SORCS2: variants seen among roughly 807,000 people sequenced by gnomAD.
The protein encoded by SORCS2 is VPS10 domain-containing receptor SorCS2.
SORCS2 carries 100 observed loss-of-function variants against 141.6 expected under a neutral mutation model. The ratio of observed to expected loss-of-function variants is 0.71; its 90% CI spans 0.60 to 0.83. SORCS2 has a LOEUF of 0.83. Ranked by LOEUF, SORCS2 falls within the 40% of genes least tolerant of loss-of-function variation. SORCS2 has a pLI of 0.00. For synonymous variants in SORCS2, 789 were observed against 676.9 expected, an observed-to-expected ratio of 1.17 and a Z score of -2.57; for missense variants, 1,646 against 1,560.2, an observed-to-expected ratio of 1.05 and a Z score of -0.93.
chr4:7,373,478 A>ATATATATATATATATTTTTTTTTTTT (rs1470691140), intron 1 of SORCS2, among the ~76,000 whole-genome samples: 1 of 36,818 alleles, frequency 2.7e-5, no homozygotes, highest in Non-Finnish European at 4.1e-5. Flanking sequence ...ATATATATAT[A>ATATATATATATATATTTTTTTTTTTT]TTTTTTTTTT....
At position 7,594,650 on chromosome 4, in the gene SORCS2, A is replaced by G. The variant is rs186603150; in HGVS notation, c.649-43678A>G. Among the ~76,000 whole-genome samples, 949 of 152,068 alleles carry G rather than the reference A, an allele frequency of 6.2e-3. 5 individuals carry two copies. The highest frequency in any genetic ancestry group is 7.5e-3 in the Non-Finnish European group (510 of 67,964). ...TCCTAATTTAGGAAGCCCCTAATTT[A>G]CAGTGTCAAGAGGGGCTTCCTCTTC... On this transcript the variant is annotated intron_variant, in intron 3 of 26. Transcript: ENST00000507866.
chr4:7,473,016 G>A (rs1401556670), intron 2 of SORCS2, among the ~76,000 whole-genome samples: 1 of 152,120 alleles, frequency 6.6e-6, no homozygotes, highest in Non-Finnish European at 1.5e-5. Flanking sequence ...CCCCTGGCCT[G>A]TGGGGTTTTG....
chr4:7,438,887 T>G lies in SORCS2; in HGVS notation c.548+42532T>G, dbSNP rs559382017. 2.8e-4 allele frequency among the ~76,000 whole-genome samples: 43 copies of G among 152,228 alleles called. No homozygotes were observed. The South Asian group carries it at 8.7e-3, about 31-fold the overall frequency. ...TTTGCACATGCTTTTTTCATATCAT[T>G]CATTGTTTTTGATGCCTAAATTGTC... On this transcript the variant is annotated intron_variant, in intron 2 of 26. Coordinates refer to ENST00000507866, the MANE Select transcript of SORCS2 (RefSeq NM_020777.3).
intron 10 of SORCS2, among the ~76,000 whole-genome samples, chr4:7,688,381 C>T (rs543402843): frequency 2.0e-5 from 3 of 152,242 alleles, no homozygotes; most frequent in South Asian, 2.1e-4. Context: ...CCAGTTCTAG[C>T]GTACTTCTAA....
intron 26 of SORCS2, among the ~76,000 whole-genome samples, chr4:7,738,291 G>T (rs191060077): frequency 6.6e-6 from 1 of 152,258 alleles, no homozygotes; most frequent in Non-Finnish European, 1.5e-5. Context: ...GGCAAGTGCC[G>T]CCGGCAGCCA....
chr4:7,354,708 A>G (rs886218903), intron 1 of SORCS2, among the ~76,000 whole-genome samples: 6 of 151,904 alleles, frequency 3.9e-5, no homozygotes, highest in Non-Finnish European at 8.8e-5. Flanking sequence ...GAGAGAGAGA[A>G]AGAGAGAGAG....
In SORCS2 at chr4:7,390,657, C is replaced by A. The variant is rs188354138; in HGVS notation, c.481-5631C>A. 7.9e-5 allele frequency among the ~76,000 whole-genome samples: 12 copies of A among 152,334 alleles called. No individual in the cohort carries two copies. The East Asian group carries it at 2.3e-3, about 29-fold the overall frequency. On this transcript the variant is annotated intron_variant, in intron 1 of 26. Coordinates refer to ENST00000507866, the MANE Select transcript of SORCS2 (RefSeq NM_020777.3). ...AGAGCAGAGGGAAGTGGCCCAGGGT[C>A]TCAGAGGAGGCACCGTGAACTTCCC...
intron 3 of SORCS2, among the ~76,000 whole-genome samples, chr4:7,565,614 T>C (rs1341808044): frequency 6.7e-6 from 1 of 149,232 alleles, no homozygotes; most frequent in Non-Finnish European, 1.5e-5. Context: ...GATGATGATA[T>C]AATGATGATA....
chr4:7,627,366 TC>T lies in SORCS2; in HGVS notation c.649-10959del, dbSNP rs560042968. On this transcript the variant is annotated intron_variant, in intron 3 of 26. Transcript: ENST00000507866. ...TGCTGAGAATGCCAGGCCTTACATA[TC>T]CCTACTCAGGATGGATGGGTGATGC... Among the ~76,000 whole-genome samples, 322 of 152,224 alleles carry T rather than the reference TC, an allele frequency of 2.1e-3. 2 individuals carry two copies. Among genetic ancestry groups the T allele is most frequent in the African/African-American group, 7.5e-3 (312 of 41,510 alleles).
chr4:7,592,264 T>A (rs980108679), intron 3 of SORCS2, among the ~76,000 whole-genome samples: 1 of 152,194 alleles, frequency 6.6e-6, no homozygotes, highest in Admixed American at 6.5e-5. Context: ...TTATTTTTTT[T>A]AACAAATCCA....
At chr4:7,424,295 C>A (rs893756178) in intron 2 of SORCS2, among the ~76,000 whole-genome samples, 1 of 152,166 alleles carries the variant, frequency 6.6e-6, no homozygotes, top group African/African-American at 2.4e-5. Flanking sequence ...ATTGTAGATC[C>A]TTCAGGAAAC....
chr4:7,297,953 C>T (rs897940702), intron 1 of SORCS2, among the ~76,000 whole-genome samples: 3 of 152,322 alleles, frequency 2.0e-5, no homozygotes, highest in Admixed American at 6.5e-5. Flanking sequence ...GGCTGGTATC[C>T]GCCTTGCAGG....
chr4:7,732,076 G>A (rs1301906213), intron 23 of SORCS2, among the ~76,000 whole-genome samples: 2 of 152,164 alleles, frequency 1.3e-5, no homozygotes, highest in Admixed American at 1.3e-4. Context: ...TCCAGAATAC[G>A]TAAGAAACCC....
chr4:7,496,071 A>G (rs1012440476), intron 2 of SORCS2, among the ~76,000 whole-genome samples: 1 of 152,198 alleles, frequency 6.6e-6, no homozygotes, highest in Non-Finnish European at 1.5e-5. Context: ...GGTGCAGAAG[A>G]GAATGGACGG....
intron 1 of SORCS2, among the ~76,000 whole-genome samples, chr4:7,315,160 C>T (rs899726854): frequency 6.6e-5 from 10 of 152,122 alleles, no homozygotes; most frequent in African/African-American, 2.2e-4. Context: ...TGTAGCTCTC[C>T]CCTCCACTGT....
intron 1 of SORCS2, among the ~76,000 whole-genome samples, chr4:7,309,455 A>G (rs961719059): frequency 1.3e-5 from 2 of 152,136 alleles, no homozygotes; most frequent in African/African-American, 4.8e-5. Context: ...GGTCCCGATC[A>G]AAAGCTAGTT....
intron 1 of SORCS2, among the ~76,000 whole-genome samples, chr4:7,270,223 G>A (rs561140376): frequency 6.6e-6 from 1 of 152,378 alleles, no homozygotes; most frequent in East Asian, 1.9e-4. Context: ...TGATGCTTGG[G>A]GATGCTACCT....
At chr4:7,657,426 G>A (rs1036302680) in intron 5 of SORCS2, among the ~76,000 whole-genome samples, 3 of 152,158 alleles carry the variant, frequency 2.0e-5, no homozygotes, top group Non-Finnish European at 4.4e-5. Context: ...GGGAATGAAC[G>A]AGTGAATGAC....
intron 1 of SORCS2, among the ~76,000 whole-genome samples, chr4:7,246,607 G>A (rs367818066): frequency 2.0e-5 from 3 of 152,348 alleles, no homozygotes; most frequent in African/African-American, 7.2e-5. Flanking sequence ...TGGTGCCAGG[G>A]ACTGGGGTTT....
Sources: allele counts gnomAD v4.1 joint callset (sites outside exome capture counted in the v4.1 genomes callset), GRCh38; gene constraint gnomAD v4.1.1; transcripts MANE v1.5; gene names NCBI Gene and HGNC (gene_info 2026-07-23, HGNC 2026-07-21).